The following SHANK2 variants were observed in gnomAD, a reference collection of about 807,000 sequenced individuals.
SHANK2 encodes the protein SH3 and multiple ankyrin repeat domains 2, also known as SH3 and multiple ankyrin repeat domains protein 2.
SHANK2 carries 43 observed loss-of-function variants against 133.7 expected under a neutral mutation model. The ratio of observed to expected loss-of-function variants is 0.32; its 90% confidence interval spans 0.25 to 0.41. The LOEUF (loss-of-function observed/expected upper bound fraction) is 0.41, where lower values mean the gene tolerates loss of function less well. Ranked by LOEUF, SHANK2 falls within the 10% of genes least tolerant of loss-of-function variation. The pLI, the probability that SHANK2 is intolerant of heterozygous loss-of-function variation, is 1.00. For missense variants in SHANK2, 1,994 were observed against 2,235.8 expected, an observed-to-expected ratio of 0.89 and a Z score of 2.18; for synonymous variants, 1,017 against 952.8, an observed-to-expected ratio of 1.07 and a Z score of -1.24.
intron 14 of SHANK2, among the ~76,000 whole-genome samples, chr11:70,727,474 G>A (rs1371722574): frequency 6.6e-6 from 1 of 152,182 alleles, no homozygotes; most frequent in Non-Finnish European, 1.5e-5. Flanking sequence ...TAGGTAATTT[G>A]TTCCCTGATG....
intron 9 of SHANK2, among the ~76,000 whole-genome samples, chr11:71,060,840 G>A (rs1437847650): frequency 6.6e-6 from 1 of 152,178 alleles, no homozygotes; most frequent in Non-Finnish European, 1.5e-5. Context: ...CCGATATAGG[G>A]TGACGCTCCG....
At chr11:70,825,616 C>T (rs1948625340) in intron 11 of SHANK2, among the ~76,000 whole-genome samples, 1 of 152,110 alleles carries the variant, frequency 6.6e-6, no homozygotes, top group Admixed American at 6.6e-5. Context: ...AATTAGTTTC[C>T]TGAGTACTGA....
chr11:70,492,625 T>G (rs2058906670), intron 21 of SHANK2, among the ~76,000 whole-genome samples, 160 bp from the exon 22 acceptor site: 1 of 152,086 alleles, frequency 6.6e-6, no homozygotes. Flanking sequence ...GCCACATGCA[T>G]TCCCACTGGG....
At position 70,896,550 on chromosome 11, in the gene SHANK2, G is replaced by C. The variant is rs1555075737; in HGVS notation, c.1125C>G (p.Gly375=). ...TGATGTATTCTGCCAGCTCAAAGTT[G>C]CCTGCTATTATGGCCACCTGCAAAG... ...QTPFQVAIIA[G]NFELAEYIKN... is the part of the protein sequence containing the mutation. The change falls in exon 11 of 26, where the codon GGC becomes GGG. Residue 375 remains glycine (G), a synonymous_variant. Transcript: ENST00000601538. 1.4e-6 allele frequency: 1 copy of C among 718,852 alleles called. No individual in the cohort carries two copies. The highest frequency in any genetic ancestry group is 2.6e-6 in the Non-Finnish European group (1 of 385,006). 44.5% of individuals were successfully genotyped at this position (718,852 alleles called of 1,614,324 possible). A position where few individuals can be genotyped will look rare whatever the true frequency, so the allele number is the denominator to read the frequency against.
intron 10 of SHANK2, among the ~76,000 whole-genome samples, chr11:70,915,384 G>A (rs545530380): frequency 4.0e-4 from 61 of 152,294 alleles, no homozygotes; most frequent in African/African-American, 1.5e-3. Flanking sequence ...GATTCATGGT[G>A]CCATCTGTGG....
At chr11:70,840,475 G>A (rs1219295252) in intron 11 of SHANK2, among the ~76,000 whole-genome samples, 2 of 152,236 alleles carry the variant, frequency 1.3e-5, no homozygotes, top group African/African-American at 4.8e-5. Flanking sequence ...CAGCTCTGAG[G>A]AGCATCCTTG....
chr11:70,916,503 G>A (rs868974228), intron 10 of SHANK2, among the ~76,000 whole-genome samples: 8 of 152,232 alleles, frequency 5.3e-5, no homozygotes, highest in Middle Eastern at 3.4e-3. Flanking sequence ...ATGTGTGTGC[G>A]TGTACACACA....
chr11:71,112,527 T>A (rs2135232772), intron 5 of SHANK2, among the ~76,000 whole-genome samples: 1 of 152,092 alleles, frequency 6.6e-6, no homozygotes, highest in South Asian at 2.1e-4. Flanking sequence ...CTGGAGAGCA[T>A]CAGGGCCCTC....
chr11:70,531,903 A>T (rs1311408229), intron 17 of SHANK2, among the ~76,000 whole-genome samples: 1 of 151,972 alleles, frequency 6.6e-6, no homozygotes, highest in Non-Finnish European at 1.5e-5. Context: ...TCTCTGCCAA[A>T]CCTTCCCGGA....
intron 17 of SHANK2, among the ~76,000 whole-genome samples, chr11:70,607,075 G>A (rs540730196): frequency 1.3e-5 from 2 of 152,218 alleles, no homozygotes; most frequent in Admixed American, 6.5e-5. Context: ...ATCCACACTC[G>A]GATCTGAGGC....
At chr11:70,492,282 T>C in intron 22 of SHANK2, 53 bp downstream of exon 22, 1 of 1,601,134 alleles carries the variant, frequency 6.2e-7, no homozygotes, top group Non-Finnish European at 8.5e-7. Flanking sequence ...GCCCACCCAC[T>C]TCCTGGGCAC....
chr11:71,072,465 G>A (rs1331444997), intron 9 of SHANK2, among the ~76,000 whole-genome samples: 2 of 152,178 alleles, frequency 1.3e-5, no homozygotes, highest in Non-Finnish European at 2.9e-5. Context: ...TGCTCTCCTC[G>A]GCTCTCACAC....
intron 17 of SHANK2, among the ~76,000 whole-genome samples, chr11:70,525,168 T>C (rs2135946223): frequency 1.3e-5 from 2 of 152,334 alleles, no homozygotes; most frequent in Middle Eastern, 6.8e-3. Flanking sequence ...AGCAACAGAA[T>C]CCCAGTGCAG....
Position 71,168,168 on chromosome 11 carries a change from G to T in SHANK2, c.-12-20830C>A, listed in dbSNP as rs1280176145. On this transcript the variant is annotated intron_variant, in intron 2 of 25. Coordinates refer to ENST00000601538, the MANE Select transcript of SHANK2 (RefSeq NM_012309.5). ...TCAGACGGGGTGGCCGGGCAGAGAC[G>T]CTCCTCACATCCCGCACGGGGCGGC... is the stretch of plus-strand genomic sequence containing the variant. 7.3e-5 allele frequency among the ~76,000 whole-genome samples: 10 copies of T among 136,168 alleles called. 1 individual carries two copies. The highest frequency in any genetic ancestry group is 1.3e-4 in the Non-Finnish European group (8 of 62,986). 89.3% of individuals were successfully genotyped at this position (136,168 alleles called of 152,430 possible).
At chr11:70,540,535 C>T (rs909082992) in intron 17 of SHANK2, among the ~76,000 whole-genome samples, 1 of 137,304 alleles carries the variant, frequency 7.3e-6, no homozygotes, top group Non-Finnish European at 1.5e-5. Flanking sequence ...TACCCATGGC[C>T]GCAGCTTCAC....
chr11:70,483,855 G>A (rs534629257), intron 25 of SHANK2, among the ~76,000 whole-genome samples: 6 of 152,270 alleles, frequency 3.9e-5, no homozygotes, highest in African/African-American at 1.4e-4. Context: ...CCAGCCTATC[G>A]ATACTCCTTT....
intron 10 of SHANK2, among the ~76,000 whole-genome samples, chr11:70,899,057 T>C (rs1183664405): frequency 3.9e-5 from 6 of 152,142 alleles, no homozygotes; most frequent in African/African-American, 9.7e-5. Flanking sequence ...GATCCACCCC[T>C]TGGTTTCAAC....
intron 11 of SHANK2, among the ~76,000 whole-genome samples, chr11:70,844,695 C>T (rs868970103): frequency 6.6e-6 from 1 of 152,328 alleles, no homozygotes; most frequent in East Asian, 1.9e-4. Flanking sequence ...AGATGCTTTT[C>T]GACTTTCCCC....
intron 17 of SHANK2, among the ~76,000 whole-genome samples, chr11:70,578,454 C>T (rs11236714): frequency 0.16 from 23,987 of 152,180 alleles, 2,003 homozygotes; most frequent in Non-Finnish European, 0.19. Flanking sequence ...CGCATCACGA[C>T]GCACAGCCTT....
Sources: gnomAD v4.1 joint callset for allele counts (sites outside exome capture counted in the v4.1 genomes callset) on GRCh38, gnomAD v4.1.1 for gene constraint, MANE v1.5 for transcripts, NCBI Gene and HGNC (gene_info 2026-07-23, HGNC 2026-07-21) for gene names.